The following MCC variants were observed in gnomAD, a reference collection of about 807,000 sequenced individuals.
MCC encodes MCC regulator of Wnt signaling pathway, also known as colorectal mutant cancer protein.
In MCC, 90 loss-of-function variants were observed where a neutral mutation model predicts 116.2. The observed-to-expected ratio is 0.77, with a 90% CI of 0.65 to 0.92. The LOEUF (loss-of-function observed/expected upper bound fraction) is 0.92. Ranked by LOEUF, MCC falls within the 40% of genes least tolerant of loss-of-function variation. MCC has a pLI of 0.00. For missense variants in MCC, 1,516 were observed against 1,312.2 expected, an observed-to-expected ratio of 1.16 and a Z score of -2.40; for synonymous variants, 578 against 510.5, an observed-to-expected ratio of 1.13 and a Z score of -1.78.
At chr5:113,060,488 G>A (rs1008326015) in intron 14 of MCC, among the ~76,000 whole-genome samples, 14 of 152,130 alleles carry the variant, frequency 9.2e-5, no homozygotes, top group African/African-American at 3.1e-4. Flanking sequence ...TGCCCTGGGG[G>A]TGGGCATCTG....
chr5:113,260,674 C>T (rs1467441540), intron 3 of MCC, among the ~76,000 whole-genome samples: 4 of 151,856 alleles, frequency 2.6e-5, no homozygotes, highest in Non-Finnish European at 5.9e-5. Flanking sequence ...GGTCTTTTAC[C>T]CATGTATGAT....
chr5:113,247,507 T>C (rs1052294092), intron 3 of MCC, among the ~76,000 whole-genome samples: 5 of 152,200 alleles, frequency 3.3e-5, no homozygotes, highest in Non-Finnish European at 7.3e-5. Context: ...AGATTTCTAC[T>C]GGTAGAAATT....
intron 1 of MCC, among the ~76,000 whole-genome samples, chr5:113,398,858 C>T (rs1436125388): frequency 6.6e-6 from 1 of 152,094 alleles, no homozygotes; most frequent in Non-Finnish European, 1.5e-5. Context: ...ATTTTGAAAC[C>T]TATTTCAATT....
chr5:113,353,565 T>C (rs757789375), intron 2 of MCC, among the ~76,000 whole-genome samples: 1 of 152,196 alleles, frequency 6.6e-6, no homozygotes, highest in Non-Finnish European at 1.5e-5. Context: ...CAAACATAAG[T>C]GGTCCCACAG....
chr5:113,252,299 G>A (rs146556410), intron 3 of MCC, among the ~76,000 whole-genome samples: 9 of 152,298 alleles, frequency 5.9e-5, no homozygotes, highest in African/African-American at 9.6e-5. Flanking sequence ...GTGGGTGGGC[G>A]AGTGAGAGAA....
At chr5:113,486,677 T>C (rs348949) in intron 1 of MCC, among the ~76,000 whole-genome samples, 55,617 of 151,762 alleles carry the variant, frequency 0.37, 12,756 homozygotes, top group East Asian at 0.67. Context: ...GCCCCTTCTC[T>C]ACTAAAAATA....
chr5:113,206,991 C>T (rs1272344140), intron 3 of MCC, among the ~76,000 whole-genome samples: 1 of 152,220 alleles, frequency 6.6e-6, no homozygotes, highest in African/African-American at 2.4e-5. Context: ...CTTCCCAACA[C>T]TATCTTGGTC....
At chr5:113,213,450 G>C (rs1763202439) in intron 3 of MCC, among the ~76,000 whole-genome samples, 1 of 152,180 alleles carries the variant, frequency 6.6e-6, no homozygotes, top group South Asian at 2.1e-4. Context: ...ATGGCTTTCA[G>C]TAAAGGCTCA....
intron 6 of MCC, among the ~76,000 whole-genome samples, chr5:113,120,454 C>T (rs1021041252): frequency 6.6e-6 from 1 of 152,252 alleles, no homozygotes; most frequent in African/African-American, 2.4e-5. Context: ...ATCCAGACTA[C>T]TGATCGCTCC....
At chr5:113,369,654 A>G (rs2150388391) in intron 2 of MCC, among the ~76,000 whole-genome samples, 1 of 152,280 alleles carries the variant, frequency 6.6e-6, no homozygotes, top group African/African-American at 2.4e-5. Flanking sequence ...TTTGGGCTAC[A>G]TAACCTATTT....
At chr5:113,130,339 G>A (rs1237286228) in intron 5 of MCC, among the ~76,000 whole-genome samples, 1 of 152,106 alleles carries the variant, frequency 6.6e-6, no homozygotes, top group Non-Finnish European at 1.5e-5. Flanking sequence ...CCTGTCTGGG[G>A]ATGGGGGCAA....
chr5:113,250,923 A>G (rs192660329), intron 3 of MCC, among the ~76,000 whole-genome samples: 2 of 152,342 alleles, frequency 1.3e-5, no homozygotes, highest in East Asian at 3.9e-4. Flanking sequence ...TTTAGGGTAC[A>G]TCATTCCAAT....
intron 8 of MCC, among the ~76,000 whole-genome samples, chr5:113,097,727 C>A (rs1380550475): frequency 6.6e-6 from 1 of 152,196 alleles, no homozygotes; most frequent in Admixed American, 6.5e-5. Context: ...AACACTTACA[C>A]TTCCAGGCTG....
At chr5:113,082,059 G>T (rs1052964107) in intron 11 of MCC, among the ~76,000 whole-genome samples, 1 of 152,208 alleles carries the variant, frequency 6.6e-6, no homozygotes, top group African/African-American at 2.4e-5. Context: ...GAGGCCAAGT[G>T]GTTTCCATGG....
At chr5:113,080,877 A>G (rs553686504) in intron 11 of MCC, among the ~76,000 whole-genome samples, 12 of 151,260 alleles carry the variant, frequency 7.9e-5, no homozygotes, top group Admixed American at 5.9e-4. Context: ...TTGGTGTCCT[A>G]TTTATTTCCT....
At chr5:113,307,938 T>A (rs1767027701) in intron 3 of MCC, among the ~76,000 whole-genome samples, 1 of 151,948 alleles carries the variant, frequency 6.6e-6, no homozygotes, top group Non-Finnish European at 1.5e-5. Context: ...CTCTTTCTCC[T>A]GCGTGGAGTG....
intron 3 of MCC, among the ~76,000 whole-genome samples, chr5:113,227,396 A>T (rs1763780149): frequency 6.6e-6 from 1 of 152,212 alleles, no homozygotes. Context: ...ACCTTAGATA[A>T]CTCAAACACC....
chr5:113,462,498 T>C, intron 1 of MCC, among the ~76,000 whole-genome samples: 1 of 146,572 alleles, frequency 6.8e-6, no homozygotes, highest in East Asian at 2.0e-4. Context: ...TGTATAGCTA[T>C]CAGCCTAGAA....
chr5:113,343,890 C>T (rs994347973), intron 2 of MCC, among the ~76,000 whole-genome samples: 1 of 152,166 alleles, frequency 6.6e-6, no homozygotes, highest in Non-Finnish European at 1.5e-5. Flanking sequence ...ATAGAAGCCT[C>T]CACCAATCAT....
Sources: allele counts gnomAD v4.1 joint callset (sites outside exome capture counted in the v4.1 genomes callset), GRCh38; gene constraint gnomAD v4.1.1; transcripts MANE v1.5; gene names NCBI Gene and HGNC (gene_info 2026-07-23, HGNC 2026-07-21).